The following LHX8 variants were observed in gnomAD, a reference collection of about 807,000 sequenced individuals.
LHX8 encodes the protein LIM/homeobox protein Lhx8.
In LHX8, 12 loss-of-function variants were observed where a neutral mutation model predicts 40.3. That is an observed-to-expected ratio of 0.30 (90% CI 0.19 to 0.48). The LOEUF is 0.48. Ranked by LOEUF, LHX8 falls within the 20% of genes least tolerant of loss-of-function variation. The pLI is 0.99. For synonymous variants in LHX8, 179 were observed against 162.0 expected, an observed-to-expected ratio of 1.10 and a Z score of -0.80; for missense variants, 344 against 433.7, an observed-to-expected ratio of 0.79 and a Z score of 1.84.
upstream of LHX8, chr1:75,130,863 C>T (rs79573168): frequency 4.4e-3 from 3,923 of 901,694 alleles, 98 homozygotes; most frequent in African/African-American, 0.055. Flanking sequence ...AGTGTGACAT[C>T]CACAGTTTCA....
chr1:75,170,354 A>T, the LHX8 span, among the ~76,000 whole-genome samples: 2 of 152,204 alleles, frequency 1.3e-5, no homozygotes, highest in African/African-American at 4.8e-5. Context: ...AAAATCACTC[A>T]GTTGCTCAGT....
the LHX8 span, among the ~76,000 whole-genome samples, chr1:75,180,670 A>G: frequency 1.3e-5 from 2 of 152,192 alleles, no homozygotes; most frequent in Non-Finnish European, 2.9e-5. Flanking sequence ...GTTATTACCG[A>G]CTTTCTGAAG....
chr1:75,153,565 T>G (rs1248929051), intron 7 of LHX8, among the ~76,000 whole-genome samples: 2 of 150,768 alleles, frequency 1.3e-5, no homozygotes, highest in Non-Finnish European at 3.0e-5. Context: ...GCACCTGCCA[T>G]CATGACTGGC....
Position 75,141,066 on chromosome 1 carries a change from A to G in LHX8, c.319A>G (p.Ile107Val). The change falls in exon 4 of 9, where the codon ATT becomes GTT. Residue 107 changes from isoleucine to valine, a missense_variant. Ile to Val is a conservative substitution (Grantham distance 29, BLOSUM62 3). Transcript: ENST00000356261. ...TSLGRHTSCY[I>V]KDKDIFCKLD... ...CCTAGGAAGGCACACCAGCTGTTATATTAAAGACAAAGACATTTTCTGCAA... is the reference window on the plus strand; with the variant it reads ...CCTAGGAAGGCACACCAGCTGTTATGTTAAAGACAAAGACATTTTCTGCAA... The G allele has an allele frequency of 1.2e-6, 2 of 1,613,570 alleles. No individual in the cohort carries two copies. The highest frequency in any genetic ancestry group is 1.7e-6 in the Non-Finnish European group (2 of 1,179,614).
At chr1:75,199,224 C>T in the LHX8 span, among the ~76,000 whole-genome samples, 1 of 152,122 alleles carries the variant, frequency 6.6e-6, no homozygotes, top group South Asian at 2.1e-4. Context: ...TCTTGGATCC[C>T]ACTAGAGATT....
Position 75,141,078 on chromosome 1 carries a change from G to C in LHX8, c.331G>C (p.Asp111His). The change falls in exon 4 of 9, where the codon GAC (aspartate) becomes CAC (histidine). Residue 111 changes from aspartate (D) to histidine (H), a missense_variant. Asp to His is a moderately conservative substitution (Grantham distance 81). Transcript: ENST00000356261. ...RHTSCYIKDKDIFCKLDYFRR... is the reference protein window; with the variant it reads ...RHTSCYIKDKHIFCKLDYFRR... Reference sequence around the variant, plus strand: ...CACCAGCTGTTATATTAAAGACAAAGACATTTTCTGCAAACTTGATTATTT... The same window carrying C: ...CACCAGCTGTTATATTAAAGACAAACACATTTTCTGCAAACTTGATTATTT... 4 of 1,613,390 alleles carry C rather than the reference G, an allele frequency of 2.5e-6. No individual in the cohort carries two copies. The highest frequency in any genetic ancestry group is 2.2e-5 in the South Asian group (2 of 91,066).
intron 3 of LHX8, among the ~76,000 whole-genome samples, chr1:75,138,951 T>G (rs1468000166): frequency 6.6e-6 from 1 of 152,176 alleles, no homozygotes; most frequent in Non-Finnish European, 1.5e-5. Flanking sequence ...TAACTAAAGT[T>G]TGATACTATA....
chr1:75,192,072 C>T, the LHX8 span, among the ~76,000 whole-genome samples: 2 of 152,170 alleles, frequency 1.3e-5, no homozygotes. Context: ...GCCTTAATTT[C>T]TCCATCTATA....
intron 7 of LHX8, among the ~76,000 whole-genome samples, chr1:75,152,570 A>T (rs1648639135): frequency 6.6e-6 from 1 of 152,232 alleles, no homozygotes; most frequent in Non-Finnish European, 1.5e-5. Flanking sequence ...TCACTATTAT[A>T]AAATGCTGCC....
At chr1:75,143,995 A>G (rs1648393916) in intron 6 of LHX8, 47 bp downstream of exon 6, 1 of 1,481,298 alleles carries the variant, frequency 6.8e-7, no homozygotes, top group African/African-American at 1.4e-5. Context: ...CTCCCAACCA[A>G]AAAAACAAAA....
downstream of LHX8, among the ~76,000 whole-genome samples, chr1:75,163,093 C>T (rs1441421714): frequency 6.6e-6 from 1 of 150,884 alleles, no homozygotes; most frequent in Admixed American, 6.6e-5. Context: ...AGTCAATACT[C>T]TTTAAGTGAT....
At chr1:75,146,421 A>G (rs990207107) in intron 6 of LHX8, among the ~76,000 whole-genome samples, 1 of 152,198 alleles carries the variant, frequency 6.6e-6, no homozygotes, top group South Asian at 2.1e-4. Flanking sequence ...ATTTCCTGCT[A>G]ATATTATGGA....
At chr1:75,145,587 A>G (rs1024243416) in intron 6 of LHX8, among the ~76,000 whole-genome samples, 4 of 152,118 alleles carry the variant, frequency 2.6e-5, no homozygotes, top group Non-Finnish European at 5.9e-5. Context: ...AACAAACCTC[A>G]TTCAAGAGTG....
the LHX8 span, among the ~76,000 whole-genome samples, chr1:75,169,749 G>C: frequency 3.3e-5 from 5 of 152,296 alleles, no homozygotes; most frequent in African/African-American, 1.2e-4. Flanking sequence ...TCTGGAGAAG[G>C]CCAAGCCCTT....
At chr1:75,161,661 ATAT>A (rs969053813), downstream of LHX8, 3 of 124,272 alleles carry the variant, frequency 2.4e-5, no homozygotes, top group African/African-American at 7.6e-5. Flanking sequence ...AGTAGGAAAC[ATAT>A]TATTCAAAAA....
intron 7 of LHX8, among the ~76,000 whole-genome samples, chr1:75,152,974 T>C (rs886624921): frequency 6.6e-6 from 1 of 152,250 alleles, no homozygotes; most frequent in Non-Finnish European, 1.5e-5. Flanking sequence ...CTTACTGATA[T>C]TTATTAATCC....
rs1467098759 is a variant in LHX8 at position 75,137,189 on chromosome 1, C to T, written c.165C>T (p.Gly55=). The T allele has an allele frequency of 5.6e-6, 9 of 1,613,444 alleles. No homozygotes were observed. The highest frequency in any genetic ancestry group is 1.3e-5 in the African/African-American group (1 of 74,920). Residue 55 remains glycine (G), a synonymous_variant, in exon 3 of 9, where the codon GGC becomes GGT. Coordinates refer to ENST00000356261, the MANE Select transcript of LHX8 (RefSeq NM_001256114.2). ...CCTCGCCCCGGTCCATGGCCTCGGG[C>T]TCCGGCTGCCCTCCTGGCAAGTGTG... ...PSSSPRSMAS[G]SGCPPGKCVC...
In LHX8 at chr1:75,143,846, G is replaced by C. The variant is rs376728766; in HGVS notation, c.582G>C (p.Gly194=). The change falls in exon 6 of 9, where the codon GGG becomes GGC. Residue 194 remains glycine, a splice_region_variant and synonymous_variant. Coordinates refer to ENST00000356261, the MANE Select transcript of LHX8 (RefSeq NM_001256114.2). ...ATATAGTGTGTTTTTTAAATGCAGG[G>C]AATGGGATTAGTGTGGAAGGTGCCC... The part of the protein sequence containing the change: ...LDNLKREVEN[G]NGISVEGALL... 5.6e-6 allele frequency: 9 copies of C among 1,611,216 alleles called. No homozygotes were observed. The highest frequency in any genetic ancestry group is 7.6e-6 in the Non-Finnish European group (9 of 1,177,538).
intron 7 of LHX8, 82 bp from the exon 8 acceptor site, chr1:75,156,811 A>T (rs901785192): frequency 2.6e-5 from 33 of 1,265,306 alleles, no homozygotes; most frequent in African/African-American, 5.9e-5. Flanking sequence ...TTGAGGTTGC[A>T]TTCATTTTTT....
Sources: gnomAD v4.1 joint callset for allele counts (sites outside exome capture counted in the v4.1 genomes callset) on GRCh38, gnomAD v4.1.1 for gene constraint, MANE v1.5 for transcripts, NCBI Gene and HGNC (gene_info 2026-07-23, HGNC 2026-07-21) for gene names.